The following COL18A1 variants were observed in gnomAD, a reference collection of about 807,000 sequenced individuals.
COL18A1 encodes collagen type XVIII alpha 1 chain, also known as collagen alpha-1(XVIII) chain.
In COL18A1, 133 loss-of-function variants were observed where a neutral mutation model predicts 168.0. That is an observed-to-expected ratio of 0.79 (90% CI 0.69 to 0.91). The LOEUF (loss-of-function observed/expected upper bound fraction) is 0.91, where lower values mean the gene tolerates loss of function less well. Among genes scored for constraint, COL18A1 ranks in the 40% least tolerant of loss-of-function variants. COL18A1 has a pLI of 0.00. For synonymous variants in COL18A1, 949 were observed against 809.0 expected, an observed-to-expected ratio of 1.17 and a Z score of -2.94; for missense variants, 2,126 against 1,925.4, an observed-to-expected ratio of 1.10 and a Z score of -1.95.
intron 9 of COL18A1, among the ~76,000 whole-genome samples, chr21:45,479,120 GCA>G (rs780661583): frequency 2.2e-4 from 34 of 151,438 alleles, no homozygotes; most frequent in Admixed American, 7.2e-4. Context: ...CACCCACAGG[GCA>G]CACACACGTG....
chr21:45,444,030 C>A (rs369382080), intron 2 of COL18A1, among the ~76,000 whole-genome samples: 96 of 152,362 alleles, frequency 6.3e-4, no homozygotes, highest in African/African-American at 2.2e-3. Context: ...CAGTGTCCCT[C>A]TGTGGGGAAC....
In COL18A1 at chr21:45,479,883, C is replaced by G. The variant is rs370144243; in HGVS notation, c.1249-19C>G. The G allele has an allele frequency of 6.2e-7, 1 of 1,613,272 alleles. No individual in the cohort carries two copies. Among genetic ancestry groups the G allele is most frequent in the Non-Finnish European group, 8.5e-7 (1 of 1,179,940 alleles). ...TGGTGGTGCCTTCCCTGACCGGGCC[C>G]CCGGATGTTGTGTTCCAGGGCGACA... On this transcript the variant is annotated intron_variant, in intron 9 of 41. Transcript: ENST00000651438.
At chr21:45,462,617 A>G (rs1159134497) in intron 2 of COL18A1, among the ~76,000 whole-genome samples, 5 of 152,062 alleles carry the variant, frequency 3.3e-5, no homozygotes, top group Admixed American at 1.3e-4. Flanking sequence ...AGGTTTTTAT[A>G]TTGATATTTC....
intron 2 of COL18A1, among the ~76,000 whole-genome samples, chr21:45,413,450 C>A (rs2033356200): frequency 6.6e-6 from 1 of 152,228 alleles, no homozygotes; most frequent in African/African-American, 2.4e-5. Context: ...TTTCTAAAGT[C>A]TCCCGCTACG....
intron 38 of COL18A1, 98 bp from the exon 39 acceptor site, chr21:45,509,258 A>G (rs1316936112): frequency 6.7e-7 from 1 of 1,489,354 alleles, no homozygotes; most frequent in Non-Finnish European, 9.0e-7. Context: ...GCCAGTTCAG[A>G]GCCCAGCCCC....
chr21:45,503,966 G>C (rs544837725), intron 32 of COL18A1, 45 bp from the exon 33 acceptor site: 11 of 1,612,572 alleles, frequency 6.8e-6, no homozygotes, highest in Non-Finnish European at 9.3e-6. Flanking sequence ...ACCCGGCGCT[G>C]TCAGACACCA....
At chr21:45,477,172 C>T (rs981144319) in intron 6 of COL18A1, among the ~76,000 whole-genome samples, 16 of 152,180 alleles carry the variant, frequency 1.1e-4, no homozygotes, top group Non-Finnish European at 7.4e-5. Context: ...CAGACTTCAG[C>T]TGTCATTGGC....
At position 45,498,122 on chromosome 21, in the gene COL18A1, T is replaced by C. The variant is rs1031862089; in HGVS notation, c.2683+461T>C. 17 of 631,146 alleles carry C rather than the reference T, an allele frequency of 2.7e-5. No homozygotes were observed. The highest frequency in any genetic ancestry group is 2.2e-4 in the East Asian group (8 of 36,728). 39.1% of individuals were successfully genotyped at this position (631,146 alleles called of 1,614,324 possible). On this transcript the variant is annotated intron_variant, in intron 32 of 41. Coordinates refer to ENST00000651438, the MANE Select transcript of COL18A1 (RefSeq NM_001379500.1). The surrounding 1 kb of genome is among the most constrained non-coding windows in gnomAD (Gnocchi z 4.5). Reference sequence around the variant, plus strand: ...CCCCTGCTCCCCCAAAGGACAAGAATTCCCCCCTGAGCCCCACCTCCATTG... The same window carrying C: ...CCCCTGCTCCCCCAAAGGACAAGAACTCCCCCCTGAGCCCCACCTCCATTG...
At position 45,422,526 on chromosome 21, in the gene COL18A1, C is replaced by T. The variant is rs111384117; in HGVS notation, c.106+17053C>T. On this transcript the variant is annotated intron_variant, in intron 2 of 41. Transcript: ENST00000651438. ...CGTGGCTGCCTGGCCTGACGCACCT[C>T]GCGCCGTGCCAGGACCCGGGCAGGG... 399 of 522,428 alleles carry T rather than the reference C, an allele frequency of 7.6e-4. 6 individuals are homozygous for T. The highest frequency in any genetic ancestry group is 6.5e-3 in the African/African-American group (336 of 51,998). 32.4% of individuals were successfully genotyped at this position (522,428 alleles called of 1,614,324 possible).
At chr21:45,480,211 G>A (rs1602497709) in intron 11 of COL18A1, 55 bp downstream of exon 11, 1 of 1,188,392 alleles carries the variant, frequency 8.4e-7, no homozygotes, top group East Asian at 2.5e-5. Flanking sequence ...TCAAAAGCAG[G>A]CACTGCCTCT....
Position 45,470,321 on chromosome 21 carries a change from C to T in COL18A1, c.651+1535C>T, listed in dbSNP as rs148098572. On this transcript the variant is annotated intron_variant, in intron 3 of 41. Coordinates refer to ENST00000651438, the MANE Select transcript of COL18A1 (RefSeq NM_001379500.1). Reference sequence around the variant, plus strand: ...TCTTTGTGGTTTTCAATGGGCCCAACTCTCAGTGATTTATACAAACTCCTT... The same window carrying T: ...TCTTTGTGGTTTTCAATGGGCCCAATTCTCAGTGATTTATACAAACTCCTT... 2.4e-3 allele frequency among the ~76,000 whole-genome samples: 361 copies of T among 152,092 alleles called. 6 individuals are homozygous for T. The highest frequency in any genetic ancestry group is 0.023 in the Admixed American group (351 of 15,276).
chr21:45,476,238 G>C (rs1568901620), intron 5 of COL18A1, 113 bp from the exon 6 acceptor site: 7 of 1,500,438 alleles, frequency 4.7e-6, no homozygotes, highest in Non-Finnish European at 6.3e-6. Context: ...CTGTTTCAGA[G>C]GATTTTTCTT....
intron 41 of COL18A1, among the ~76,000 whole-genome samples, chr21:45,511,609 G>A (rs1460080332): frequency 6.6e-6 from 1 of 152,090 alleles, no homozygotes; most frequent in Non-Finnish European, 1.5e-5. Flanking sequence ...CCCTTAAAAT[G>A]TTGACAGAAA....
chr21:45,410,534 A>G (rs914228), intron 2 of COL18A1, among the ~76,000 whole-genome samples: 125,023 of 152,218 alleles, frequency 0.82, 51,578 homozygotes, highest in African/African-American at 0.9. Flanking sequence ...CGGTGGCGGA[A>G]CTCGCACCCA....
intron 2 of COL18A1, among the ~76,000 whole-genome samples, chr21:45,447,279 T>A (rs1339091967): frequency 1.3e-5 from 2 of 151,864 alleles, no homozygotes; most frequent in Non-Finnish European, 2.9e-5. Context: ...AAAAAGTTTT[T>A]TATTGTTCCT....
At position 45,480,585 on chromosome 21, in the gene COL18A1, C is replaced by T; in HGVS notation, c.1452+65C>T. 7 of 1,613,818 alleles carry T rather than the reference C, an allele frequency of 4.3e-6. No homozygotes were observed. The South Asian group carries it at 7.7e-5, about 18-fold the overall frequency. ...GCCCATGAGGAACAGGCCATGGACCCCCAAGATTCAGCTGGGGTCCTGTGG... is the reference window on the plus strand; with the variant it reads ...GCCCATGAGGAACAGGCCATGGACCTCCAAGATTCAGCTGGGGTCCTGTGG... On this transcript the variant is annotated intron_variant, in intron 12 of 41. Coordinates refer to ENST00000651438, the MANE Select transcript of COL18A1 (RefSeq NM_001379500.1).
intron 10 of COL18A1, 40 bp from the exon 11 acceptor site, chr21:45,480,030 T>G: frequency 1.2e-6 from 2 of 1,611,580 alleles, no homozygotes; most frequent in Non-Finnish European, 1.7e-6. Flanking sequence ...GGGGGCTGTG[T>G]GCGTGCCCAG....
rs576165651 is a variant in COL18A1 at position 45,439,861 on chromosome 21, G to A, written c.107-28381G>A. 2.6e-5 allele frequency among the ~76,000 whole-genome samples: 4 copies of A among 152,360 alleles called. No homozygotes were observed. In the East Asian group the frequency reaches 5.8e-4, roughly 22 times the overall value. ...GTGCGAGCCTGTGAAGTCCATTACA[G>A]TCTCCGGCTGTGAATGTAGCAAGGA... On this transcript the variant is annotated intron_variant, in intron 2 of 41. Coordinates refer to ENST00000651438, the MANE Select transcript of COL18A1 (RefSeq NM_001379500.1).
intron 2 of COL18A1, among the ~76,000 whole-genome samples, chr21:45,427,459 C>A (rs1232499841): frequency 3.9e-5 from 6 of 152,184 alleles, no homozygotes; most frequent in African/African-American, 1.4e-4. Flanking sequence ...ACCCGCCTGG[C>A]ACTGACCAGA....
Sources: gnomAD v4.1 joint callset for allele counts (sites outside exome capture counted in the v4.1 genomes callset) on GRCh38, gnomAD v4.1.1 for gene constraint, Gnocchi (gnomAD v3.1) non-coding constraint, MANE v1.5 for transcripts, NCBI Gene and HGNC (gene_info 2026-07-23, HGNC 2026-07-21) for gene names.